Variants in MBOAT1 observed in about 807,000 individuals in gnomAD.
MBOAT1 encodes membrane bound glycerophospholipid O-acyltransferase 1, also known as membrane-bound glycerophospholipid O-acyltransferase 1.
A neutral mutation model predicts 64.4 loss-of-function variants in MBOAT1; 67 were observed. The ratio of observed to expected loss-of-function variants is 1.04; its 90% CI spans 0.85 to 1.27. MBOAT1 has a LOEUF of 1.27. Among genes scored for constraint, MBOAT1 ranks in the 50% most tolerant of loss-of-function variants. MBOAT1 has a pLI of 0.00. For synonymous variants in MBOAT1, 229 were observed against 218.9 expected (o/e 1.05, Z -0.41); for missense variants, 563 against 604.6 (o/e 0.93, Z 0.72).
intron 1 of MBOAT1, among the ~76,000 whole-genome samples, chr6:20,184,352 G>A (rs1290333125): frequency 6.6e-6 from 1 of 152,122 alleles, no homozygotes; most frequent in Non-Finnish European, 1.5e-5. Context: ...AGGGGGGACA[G>A]GTGGAGGACG....
chr6:20,111,971 C>A (rs184835361), intron 11 of MBOAT1, among the ~76,000 whole-genome samples: 1 of 148,594 alleles, frequency 6.7e-6, no homozygotes, highest in African/African-American at 2.5e-5. Flanking sequence ...GGTATCCCAG[C>A]GCCTAGAACA....
At chr6:20,166,513 T>C (rs145338561) in intron 1 of MBOAT1, among the ~76,000 whole-genome samples, 1 of 152,156 alleles carries the variant, frequency 6.6e-6, no homozygotes, top group African/African-American at 2.4e-5. Flanking sequence ...GGAGCCAGCA[T>C]GCCTTTAGAC....
intron 12 of MBOAT1, among the ~76,000 whole-genome samples, chr6:20,105,960 C>T (rs2113623530): frequency 6.6e-6 from 1 of 152,294 alleles, no homozygotes; most frequent in South Asian, 2.1e-4. Flanking sequence ...AGAAGTTAGA[C>T]TGAGCACTCT....
At chr6:20,108,932 G>A (rs1026448581) in intron 12 of MBOAT1, among the ~76,000 whole-genome samples, 3 of 152,252 alleles carry the variant, frequency 2.0e-5, no homozygotes, top group Non-Finnish European at 4.4e-5. Context: ...AAGAGCATGT[G>A]CTCAACCACT....
rs374754346 is a variant in MBOAT1, at chr6:20,112,975, C to G, written c.1110G>C (p.Thr370=). 56 of 1,613,930 alleles carry G rather than the reference C, an allele frequency of 3.5e-5. No homozygotes were observed. The highest frequency in any genetic ancestry group is 4.7e-5 in the Non-Finnish European group (56 of 1,179,958). Residue 370 remains threonine (T), a synonymous_variant, in exon 11 of 13, where the codon ACG becomes ACC. Coordinates refer to ENST00000324607, the MANE Select transcript of MBOAT1 (RefSeq NM_001080480.3). ...VCYQRVPWYP[T]VLTFILSALW... is the part of the protein sequence containing the mutation. ...AAGCAGACAGGATGAAGGTTAGCAC[C>G]GTGGGGTACCATGGAACCCGCTGAT... is the stretch of plus-strand genomic sequence containing the variant.
At chr6:20,168,528 A>AGAGGAGAGG (rs1561773087) in intron 1 of MBOAT1, among the ~76,000 whole-genome samples, 4 of 69,720 alleles carry the variant, frequency 5.7e-5, no homozygotes, top group Admixed American at 1.3e-4. Flanking sequence ...GAGAGGAGAG[A>AGAGGAGAGG]AGAGGAGAGG....
chr6:20,155,867 G>A (rs1050399739), intron 1 of MBOAT1, among the ~76,000 whole-genome samples: 1 of 152,204 alleles, frequency 6.6e-6, no homozygotes, highest in Middle Eastern at 3.2e-3. Context: ...GGTTTTGCTT[G>A]TTTGAACACC....
chr6:20,103,564 T>C (rs1759864614), intron 12 of MBOAT1, among the ~76,000 whole-genome samples: 1 of 152,036 alleles, frequency 6.6e-6, no homozygotes, highest in Admixed American at 6.6e-5. Context: ...TCCAAGTAGC[T>C]GGGACTACAT....
chr6:20,152,965 T>C (rs1761569889), intron 1 of MBOAT1, among the ~76,000 whole-genome samples, 196 bp from the exon 2 acceptor site: 2 of 152,158 alleles, frequency 1.3e-5, no homozygotes, highest in South Asian at 4.1e-4. Flanking sequence ...CCGAAGTAGC[T>C]GGGACTACAG....
intron 1 of MBOAT1, among the ~76,000 whole-genome samples, chr6:20,188,123 G>A (rs554033187): frequency 3.9e-5 from 6 of 152,284 alleles, no homozygotes; most frequent in African/African-American, 9.6e-5. Context: ...AGGATTAGAG[G>A]GTATTCAGAG....
At chr6:20,128,617 TG>T in intron 6 of MBOAT1, 81 bp downstream of exon 6, 2 of 935,352 alleles carry the variant, frequency 2.1e-6, no homozygotes, top group Non-Finnish European at 3.3e-6. Context: ...ACAGAATTAA[TG>T]TGTAGATATT....
chr6:20,193,248 C>T (rs1443027939), intron 1 of MBOAT1, among the ~76,000 whole-genome samples: 1 of 151,902 alleles, frequency 6.6e-6, no homozygotes, highest in Non-Finnish European at 1.5e-5. Context: ...CCTCCTGATC[C>T]GCCCGCCTAG....
At chr6:20,138,574 G>C (rs1761071603) in intron 4 of MBOAT1, among the ~76,000 whole-genome samples, 2 of 152,128 alleles carry the variant, frequency 1.3e-5, no homozygotes, top group South Asian at 4.1e-4. Context: ...GATAATTTCA[G>C]AATTCTGATT....
rs1396186208 is a variant in MBOAT1 at position 20,101,642 on chromosome 6, G to A, written c.*644C>T. 6.6e-6 allele frequency among the ~76,000 whole-genome samples: 1 copy of A among 152,170 alleles called. No individual in the cohort carries two copies. Among genetic ancestry groups the A allele is most frequent in the East Asian group, 1.9e-4 (1 of 5,180 alleles). ...TTTGGAGCCGATGCCTGGGTTCCCA[G>A]CATCCAGGTCACAGTAGCTGGAAAT... On this transcript the variant is annotated 3_prime_UTR_variant, in exon 13 of 13. Coordinates refer to ENST00000324607, the MANE Select transcript of MBOAT1 (RefSeq NM_001080480.3).
chr6:20,198,998 G>A (rs1467779280), intron 1 of MBOAT1, among the ~76,000 whole-genome samples: 1 of 152,204 alleles, frequency 6.6e-6, no homozygotes, highest in East Asian at 1.9e-4. Flanking sequence ...GTCAATCACC[G>A]AGTTTTGGCC....
At chr6:20,156,974 A>G (rs1293511976) in intron 1 of MBOAT1, among the ~76,000 whole-genome samples, 1 of 152,162 alleles carries the variant, frequency 6.6e-6, no homozygotes, top group Non-Finnish European at 1.5e-5. Flanking sequence ...ATAGAAAAGT[A>G]TGCCATCATT....
intron 6 of MBOAT1, among the ~76,000 whole-genome samples, chr6:20,127,845 G>A (rs1338326002): frequency 6.6e-6 from 1 of 152,016 alleles, no homozygotes; most frequent in East Asian, 1.9e-4. Flanking sequence ...CCGCAACCCT[G>A]GGTCTGTGGA....
chr6:20,138,939 G>A (rs138731134), intron 4 of MBOAT1, among the ~76,000 whole-genome samples: 78 of 152,196 alleles, frequency 5.1e-4, no homozygotes, highest in African/African-American at 1.8e-3. Flanking sequence ...GGTGACTGAC[G>A]GCAACCCTTG....
intron 1 of MBOAT1, among the ~76,000 whole-genome samples, chr6:20,157,423 G>C (rs948931814): frequency 1.3e-5 from 2 of 152,188 alleles, no homozygotes; most frequent in Non-Finnish European, 2.9e-5. Context: ...AGAAAATGTT[G>C]CAAAAATAAC....
Sources: allele counts gnomAD v4.1 joint callset (sites outside exome capture counted in the v4.1 genomes callset), GRCh38; gene constraint gnomAD v4.1.1; transcripts MANE v1.5; gene names NCBI Gene and HGNC (gene_info 2026-07-23, HGNC 2026-07-21).